The following BLMH variants were observed in gnomAD, a reference collection of about 807,000 sequenced individuals.
BLMH encodes BLM hydrolase.
A neutral mutation model predicts 61.6 loss-of-function variants in BLMH; 32 were observed. The observed-to-expected ratio is 0.52, with a 90% CI of 0.39 to 0.70. BLMH has a LOEUF of 0.70. Among genes scored for constraint, BLMH ranks in the 30% least tolerant of loss-of-function variants. The pLI is 0.00. For missense variants in BLMH, 460 were observed against 555.5 expected (o/e 0.83, Z 1.73); for synonymous variants, 183 against 193.8 (o/e 0.94, Z 0.46).
chr17:30,287,431 T>A (rs1908763778), intron 4 of BLMH, among the ~76,000 whole-genome samples: 1 of 152,248 alleles, frequency 6.6e-6, no homozygotes, highest in South Asian at 2.1e-4. Flanking sequence ...GTATCTATCA[T>A]ACTTTTGTAA....
intron 11 of BLMH, among the ~76,000 whole-genome samples, chr17:30,254,865 T>C (rs574021042): frequency 6.6e-6 from 1 of 152,352 alleles, no homozygotes; most frequent in African/African-American, 2.4e-5. Flanking sequence ...TACTAGACCC[T>C]TTAATTTCAT....
At chr17:30,266,198 G>A (rs1476762669) in intron 11 of BLMH, among the ~76,000 whole-genome samples, 2 of 152,068 alleles carry the variant, frequency 1.3e-5, no homozygotes, top group East Asian at 3.9e-4. Context: ...CCATACAGAA[G>A]GCTTCTGACT....
intron 3 of BLMH, 158 bp from the exon 4 acceptor site, chr17:30,288,105 T>A: frequency 1.3e-6 from 1 of 753,266 alleles, no homozygotes; most frequent in Non-Finnish European, 2.0e-6. Flanking sequence ...TTGCATGTCA[T>A]CCTTGTACAG....
chr17:30,275,215 C>T (rs1908385510), intron 6 of BLMH, among the ~76,000 whole-genome samples: 1 of 151,454 alleles, frequency 6.6e-6, no homozygotes, highest in Non-Finnish European at 1.5e-5. Context: ...AGGACCCTGT[C>T]TCAAAAATAA....
chr17:30,258,356 C>T (rs138316374), intron 11 of BLMH, among the ~76,000 whole-genome samples: 227 of 152,236 alleles, frequency 1.5e-3, no homozygotes, highest in African/African-American at 5.4e-3. Context: ...GGTGAGGACA[C>T]ATTTACATTA....
intron 3 of BLMH, among the ~76,000 whole-genome samples, chr17:30,288,861 G>A (rs1340448266): frequency 6.6e-6 from 1 of 152,144 alleles, no homozygotes; most frequent in South Asian, 2.1e-4. Context: ...CAGCTACTTG[G>A]GAGGCTGAGT....
Position 30,272,614 on chromosome 17 carries a change from G to A in BLMH, c.975C>T (p.Gly325=). ...TATTGAAGTGTTTTCCAACATCACA[G>A]CCAAACCACACAGCCTAGAAACAGA... is the stretch of plus-strand genomic sequence containing the variant. ...SIKDGEAVWF[G]CDVGKHFNSK... is the part of the protein sequence containing the mutation. The change falls in exon 9 of 12, where the codon GGC becomes GGT. Residue 325 remains glycine (G), a synonymous_variant. Transcript: ENST00000261714. 6.2e-7 allele frequency: 1 copy of A among 1,614,098 alleles called. No homozygotes were observed. Among genetic ancestry groups the A allele is most frequent in the Non-Finnish European group, 8.5e-7 (1 of 1,180,038 alleles).
At chr17:30,284,842 G>T (rs980352792) in intron 6 of BLMH, among the ~76,000 whole-genome samples, 1 of 152,150 alleles carries the variant, frequency 6.6e-6, no homozygotes, top group African/African-American at 2.4e-5. Context: ...TTCCCTGAAG[G>T]TTCTATCTTT....
intron 11 of BLMH, among the ~76,000 whole-genome samples, chr17:30,262,410 T>C (rs1247933169): frequency 6.6e-6 from 1 of 152,256 alleles, no homozygotes; most frequent in East Asian, 1.9e-4. Flanking sequence ...TGATAACTAC[T>C]GAAGGTGGGT....
At position 30,272,822 on chromosome 17, in the gene BLMH, A is replaced by C. The variant is rs746108098; in HGVS notation, c.879T>G (p.Val293=). Residue 293 remains valine, a synonymous_variant, in exon 8 of 12, where the codon GTT becomes GTG. Coordinates refer to ENST00000261714, the MANE Select transcript of BLMH (RefSeq NM_000386.4). The part of the protein sequence containing the change: ...LYTVEYLSNM[V]GGRKTLYNNQ... ...TGTTGTATAGAGTTTTTCTCCCTCC[A>C]ACCATATTGCTTAAGTATTCCACTG... 5 of 1,614,040 alleles carry C rather than the reference A, an allele frequency of 3.1e-6. No homozygotes were observed. The highest frequency in any genetic ancestry group is 1.1e-5 in the South Asian group (1 of 91,086).
rs778016458 is a variant in BLMH at position 30,249,060 on chromosome 17, A to G, written c.1325T>C (p.Ile442Thr). The change falls in exon 12 of 12, where the codon ATT becomes ACT. Residue 442 changes from isoleucine to threonine, a missense_variant. Around this residue, in one of 5 missense-constraint regions of BLMH, gnomAD observed 310 missense variants for 371.1 expected, o/e 0.84. Transcript: ENST00000261714. ...CATGGGGTCCCATGCTGGCAGGATA[A>G]TGGGTTCCTGCTCTAACACAGCTAG... ...EVLAVLEQEP[I>T]ILPAWDPMGA... is the part of the protein sequence containing the mutation. 6.2e-7 allele frequency: 1 copy of G among 1,614,096 alleles called. No homozygotes were observed. Among genetic ancestry groups the G allele is most frequent in the Non-Finnish European group, 8.5e-7 (1 of 1,179,966 alleles).
At position 30,285,497 on chromosome 17, in the gene BLMH, T is replaced by A; in HGVS notation, c.553-17A>T. 6.3e-7 allele frequency: 1 copy of A among 1,585,994 alleles called. No homozygotes were observed. The highest frequency in any genetic ancestry group is 8.6e-7 in the Non-Finnish European group (1 of 1,160,920). On this transcript the variant is annotated splice_polypyrimidine_tract_variant and intron_variant, in intron 5 of 11. Transcript: ENST00000261714. ...TTCTCTCATCTATGACAGAAACTTA[T>A]TCAGCACTCCAACAGTTACCCGAAT...
At position 30,249,037 on chromosome 17, in the gene BLMH, T is replaced by A; in HGVS notation, c.1348A>T (p.Met450Leu). ...CAGTATCACTCAGCCAAAGCTCCCA[T>A]GGGGTCCCATGCTGGCAGGATAATG... ...EPIILPAWDPMGALAE is the reference protein window; with the variant it reads ...EPIILPAWDPLGALAE The change falls in exon 12 of 12, where the codon ATG becomes TTG. Residue 450 changes from methionine (M) to leucine (L), a missense_variant. Coordinates refer to ENST00000261714, the MANE Select transcript of BLMH (RefSeq NM_000386.4). The A allele has an allele frequency of 1.2e-6, 2 of 1,614,026 alleles. No homozygotes were observed. The highest frequency in any genetic ancestry group is 4.5e-5 in the East Asian group (2 of 44,864).
chr17:30,276,981 C>T (rs182766794), intron 6 of BLMH, among the ~76,000 whole-genome samples: 3 of 152,262 alleles, frequency 2.0e-5, no homozygotes. Context: ...GTCTGGCTTC[C>T]TTTGGCTGAC....
chr17:30,285,299 C>T, intron 6 of BLMH, 89 bp downstream of exon 6: 2 of 913,730 alleles, frequency 2.2e-6, no homozygotes, highest in Admixed American at 2.6e-5. Flanking sequence ...GTTGCCATGA[C>T]TAAAGCTTCC....
At chr17:30,290,102 A>G (rs1475062144) in intron 2 of BLMH, among the ~76,000 whole-genome samples, 2 of 152,238 alleles carry the variant, frequency 1.3e-5, no homozygotes, top group East Asian at 3.8e-4. Flanking sequence ...CTAGTTAACT[A>G]TAGTGTTTTA....
At chr17:30,275,334 G>A (rs1908388831) in intron 6 of BLMH, among the ~76,000 whole-genome samples, 2 of 152,204 alleles carry the variant, frequency 1.3e-5, no homozygotes, top group Non-Finnish European at 2.9e-5. Context: ...TACGATCCAA[G>A]GATATACTTT....
In BLMH at chr17:30,249,039, G is replaced by T. The variant is rs1274837202; in HGVS notation, c.1346C>A (p.Pro449His). The change falls in exon 12 of 12, where the codon CCC becomes CAC. Residue 449 changes from proline to histidine, a missense_variant. Physicochemically the swap from Pro to His is moderately conservative, Grantham distance 77. This residue lies in a region of BLMH where 310 missense variants were observed against 371.1 expected (regional missense o/e 0.84). Transcript: ENST00000261714. ...QEPIILPAWD[P>H]MGALAE ...GTATCACTCAGCCAAAGCTCCCATGGGGTCCCATGCTGGCAGGATAATGGG... is the reference window on the plus strand; with the variant it reads ...GTATCACTCAGCCAAAGCTCCCATGTGGTCCCATGCTGGCAGGATAATGGG... 1 of 1,614,016 alleles carries T rather than the reference G, an allele frequency of 6.2e-7. No individual in the cohort carries two copies. The highest frequency in any genetic ancestry group is 1.7e-5 in the Admixed American group (1 of 60,020).
At chr17:30,249,190 T>A (rs1435403993) in intron 11 of BLMH, 22 bp from the exon 12 acceptor site, 2 of 1,613,722 alleles carry the variant, frequency 1.2e-6, no homozygotes, top group Admixed American at 3.3e-5. Flanking sequence ...AACAGAAGAC[T>A]TATGAGTCCA....
Sources: gnomAD v4.1 joint callset for allele counts (sites outside exome capture counted in the v4.1 genomes callset) on GRCh38, gnomAD v4.1.1 for gene constraint, gnomAD v4.1.1 regional missense constraint, MANE v1.5 for transcripts, NCBI Gene and HGNC (gene_info 2026-07-23, HGNC 2026-07-21) for gene names.